Variants in MARVELD2 observed in about 807,000 individuals in gnomAD.
MARVELD2 encodes the protein MARVEL domain-containing protein 2.
In MARVELD2, 49 loss-of-function variants were observed where a neutral mutation model predicts 57.6. That is an observed-to-expected ratio of 0.85 (90% CI 0.68 to 1.08). The LOEUF (loss-of-function observed/expected upper bound fraction) is 1.08, where lower values mean the gene tolerates loss of function less well. Ranked by LOEUF, MARVELD2 falls within the 50% of genes least tolerant of loss-of-function variation. MARVELD2 has a pLI of 0.00. For missense variants in MARVELD2, 606 were observed against 701.1 expected (o/e 0.86, Z 1.53); for synonymous variants, 238 against 258.8 (o/e 0.92, Z 0.77).
At chr5:69,435,478 G>A (rs1302854926) in intron 5 of MARVELD2, among the ~76,000 whole-genome samples, 1 of 151,916 alleles carries the variant, frequency 6.6e-6, no homozygotes, top group East Asian at 1.9e-4. Context: ...TATTGGCTGG[G>A]TGTGGTGGCT....
intron 2 of MARVELD2, among the ~76,000 whole-genome samples, chr5:69,423,681 C>G (rs902468603): frequency 4.6e-5 from 7 of 152,098 alleles, no homozygotes; most frequent in African/African-American, 1.4e-4. Context: ...CTATGTTGCT[C>G]AGGCTGGTCT....
At chr5:69,440,550 T>C in intron 6 of MARVELD2, 50 bp downstream of exon 6, 1 of 1,065,480 alleles carries the variant, frequency 9.4e-7, no homozygotes, top group South Asian at 1.3e-5. Flanking sequence ...AGTACATATG[T>C]GATAATTTAC....
chr5:69,427,262 T>C (rs1332067621), intron 3 of MARVELD2, among the ~76,000 whole-genome samples: 1 of 152,208 alleles, frequency 6.6e-6, no homozygotes, highest in Non-Finnish European at 1.5e-5. Context: ...CGGAATCTAA[T>C]GTGGGCATGG....
At chr5:69,423,959 T>TA (rs1766706546) in intron 2 of MARVELD2, among the ~76,000 whole-genome samples, 1 of 152,190 alleles carries the variant, frequency 6.6e-6, no homozygotes, top group African/African-American at 2.4e-5. Context: ...GTGTACAAAG[T>TA]AAAAAATGTT....
chr5:69,437,892 C>T (rs1268330907), intron 5 of MARVELD2, among the ~76,000 whole-genome samples: 2 of 152,148 alleles, frequency 1.3e-5, no homozygotes, highest in African/African-American at 2.4e-5. Context: ...ACAGCCATTA[C>T]CTGTGATTTT....
intron 5 of MARVELD2, among the ~76,000 whole-genome samples, chr5:69,435,277 G>A (rs1195381467): frequency 4.6e-5 from 7 of 151,874 alleles, no homozygotes. Context: ...GCCTCCCAAA[G>A]TGCTGGTATT....
In MARVELD2 at chr5:69,419,861, A is replaced by G. The variant is rs575942430; in HGVS notation, c.476A>G (p.Tyr159Cys). 1.8e-5 allele frequency: 29 copies of G among 1,614,172 alleles called. No homozygotes were observed. The East Asian group carries it at 2.0e-4, about 11-fold the overall frequency. Reference sequence around the variant, plus strand: ...GACGCAGTGTTTCCCCGGGATCCCTATGGATCTCTAGACCGACACACACAA... The same window carrying G: ...GACGCAGTGTTTCCCCGGGATCCCTGTGGATCTCTAGACCGACACACACAA... ...EADAVFPRDP[Y>C]GSLDRHTQTV... is the part of the protein sequence containing the mutation. The change falls in exon 2 of 7, where the codon TAT becomes TGT. Residue 159 changes from tyrosine to cysteine, a missense_variant. Coordinates refer to ENST00000325631, the MANE Select transcript of MARVELD2 (RefSeq NM_001038603.3).
intron 1 of MARVELD2, 84 bp downstream of exon 1, chr5:69,415,254 G>C (rs1009579198): frequency 6.6e-6 from 1 of 152,268 alleles, no homozygotes; most frequent in Non-Finnish European, 1.5e-5. Flanking sequence ...ACGGACGGCT[G>C]CCCGCGCTCG....
chr5:69,420,917 C>T (rs964322925), intron 2 of MARVELD2, among the ~76,000 whole-genome samples: 1 of 152,124 alleles, frequency 6.6e-6, no homozygotes, highest in Non-Finnish European at 1.5e-5. Context: ...AATCTTAATT[C>T]TTTAATAAAA....
chr5:69,416,700 G>C (rs1262271172), intron 1 of MARVELD2, among the ~76,000 whole-genome samples: 1 of 152,148 alleles, frequency 6.6e-6, no homozygotes, highest in Non-Finnish European at 1.5e-5. Context: ...GGTTCATAAT[G>C]CTATTCTTTC....
intron 1 of MARVELD2, among the ~76,000 whole-genome samples, chr5:69,418,261 C>A (rs887718351): frequency 6.6e-6 from 1 of 152,118 alleles, no homozygotes; most frequent in Non-Finnish European, 1.5e-5. Context: ...TTTTTTAAGT[C>A]TTCAAACAAA....
At position 69,442,254 on chromosome 5, in the gene MARVELD2, C is replaced by T. The variant is rs1767349863; in HGVS notation, c.*600C>T. On this transcript the variant is annotated 3_prime_UTR_variant, in exon 7 of 7. Coordinates refer to ENST00000325631, the MANE Select transcript of MARVELD2 (RefSeq NM_001038603.3). ...TTTCCTTTTTTACTCAGGCAGGTTC[C>T]TAGGATTTTTCTGGGACAAATTTCT... The T allele has an allele frequency of 1.3e-5, 2 of 152,140 alleles. No individual in the cohort carries two copies. The highest frequency in any genetic ancestry group is 4.8e-5 in the African/African-American group (2 of 41,430). 9.4% of individuals were successfully genotyped at this position (152,140 alleles called of 1,614,324 possible).
chr5:69,434,590 T>C (rs1316857695), intron 5 of MARVELD2, among the ~76,000 whole-genome samples: 1 of 152,176 alleles, frequency 6.6e-6, no homozygotes, highest in African/African-American at 2.4e-5. Context: ...TTACAGAGGC[T>C]TAAGCTTTTT....
Position 69,426,398 on chromosome 5 carries a change from G to A in MARVELD2, c.1182+1762G>A, listed in dbSNP as rs766510160. 7.3e-5 allele frequency among the ~76,000 whole-genome samples: 11 copies of A among 150,010 alleles called. No individual in the cohort carries two copies. The East Asian group carries it at 9.9e-4, about 13-fold the overall frequency. On this transcript the variant is annotated intron_variant, in intron 3 of 6. Coordinates refer to ENST00000325631, the MANE Select transcript of MARVELD2 (RefSeq NM_001038603.3). ...CGCCCAGGCTGGAGTGCAGTGGTGC[G>A]ATCTCAGCTCACTGCAACCTTCGCC...
Position 69,419,913 on chromosome 5 carries a change from G to A in MARVELD2, c.528G>A (p.Val176=). The part of the protein sequence containing the change: ...TQTVRTYSEK[V]EEYNLRYSYM... ...CAGTTCGAACATACAGTGAGAAGGT[G>A]GAGGAGTATAACCTGAGATACTCCT... Residue 176 remains valine, a synonymous_variant, in exon 2 of 7, where the codon GTG becomes GTA. Transcript: ENST00000325631. 2.5e-6 allele frequency: 4 copies of A among 1,614,166 alleles called. No individual in the cohort carries two copies. The highest frequency in any genetic ancestry group is 1.1e-5 in the South Asian group (1 of 91,076).
In MARVELD2 at chr5:69,440,419, TTA is replaced by T. The variant is rs1183694142; in HGVS notation, c.1504-30_1504-29del. ...TATGATTTGAGTAAATGCAAATGTTTTAACTTAAGTATACAATGTATTATTTT... is the reference window on the plus strand; with the variant it reads ...TATGATTTGAGTAAATGCAAATGTTTACTTAAGTATACAATGTATTATTTT... On this transcript the variant is annotated intron_variant, in intron 5 of 6. Transcript: ENST00000325631. The T allele has an allele frequency of 7.2e-6, 8 of 1,110,002 alleles. No individual in the cohort carries two copies. In the Admixed American group the frequency reaches 1.4e-4, roughly 20 times the overall value. 68.8% of individuals were successfully genotyped at this position (1,110,002 alleles called of 1,614,324 possible).
chr5:69,437,669 G>A (rs1262258611), intron 5 of MARVELD2, among the ~76,000 whole-genome samples: 1 of 151,594 alleles, frequency 6.6e-6, no homozygotes, highest in Non-Finnish European at 1.5e-5. Context: ...GGGTGACAGA[G>A]TGAGACTCTG....
Position 69,432,588 on chromosome 5 carries a change from G to C in MARVELD2, c.1244G>C (p.Arg415Thr), listed in dbSNP as rs1419233847. The change falls in exon 4 of 7, where the codon AGA (arginine) becomes ACA (threonine). Residue 415 changes from arginine (R) to threonine (T), a missense_variant. Physicochemically the swap from Arg to Thr is moderately conservative, Grantham distance 71. Transcript: ENST00000325631. ...TCAGAAGTTAATTTCAAGGAACTGAGAACAGCAAAAATGAAACCTGAACTA... is the reference window on the plus strand; with the variant it reads ...TCAGAAGTTAATTTCAAGGAACTGACAACAGCAAAAATGAAACCTGAACTA... ...RDSEVNFKELRTAKMKPELLS... is the reference protein window; with the variant it reads ...RDSEVNFKELTTAKMKPELLS... 1 of 1,614,076 alleles carries C rather than the reference G, an allele frequency of 6.2e-7. No individual in the cohort carries two copies. The highest frequency in any genetic ancestry group is 1.7e-5 in the Admixed American group (1 of 60,000).
At chr5:69,435,332 T>C (rs991655010) in intron 5 of MARVELD2, among the ~76,000 whole-genome samples, 12 of 152,054 alleles carry the variant, frequency 7.9e-5, no homozygotes, top group Admixed American at 6.6e-4. Context: ...CTCTTTTTAA[T>C]TGAGATCTCA....
Sources: gnomAD v4.1 joint callset for allele counts (sites outside exome capture counted in the v4.1 genomes callset) on GRCh38, gnomAD v4.1.1 for gene constraint, MANE v1.5 for transcripts, NCBI Gene and HGNC (gene_info 2026-07-23, HGNC 2026-07-21) for gene names.